The following ALG5 variants were observed in gnomAD, a reference collection of about 807,000 sequenced individuals.
ALG5 encodes ALG5 dolichyl-phosphate beta-glucosyltransferase, also known as dolichyl-phosphate beta-glucosyltransferase.
In ALG5, 26 loss-of-function variants were observed where a neutral mutation model predicts 51.8. That is an observed-to-expected ratio of 0.50 (90% confidence interval 0.37 to 0.70). ALG5 has a LOEUF of 0.70. ALG5 is among the 30% of genes least tolerant of loss of function. ALG5 has a pLI of 0.00. For synonymous variants in ALG5, 141 were observed against 136.1 expected (o/e 1.04, Z -0.25); for missense variants, 311 against 399.3 (o/e 0.78, Z 1.88).
chr13:36,959,005 A>G (rs1489259605), intron 8 of ALG5, among the ~76,000 whole-genome samples: 1 of 152,182 alleles, frequency 6.6e-6, no homozygotes, highest in Non-Finnish European at 1.5e-5. Flanking sequence ...AAAAAAAAAA[A>G]GAAATATTAT....
At chr13:36,992,067 A>G (rs1362708712) in intron 4 of ALG5, among the ~76,000 whole-genome samples, 1 of 152,230 alleles carries the variant, frequency 6.6e-6, no homozygotes, top group Admixed American at 6.5e-5. Context: ...TCCTGTTTAA[A>G]TGCTAAGCCA....
At chr13:36,992,897 G>A (rs190545639) in intron 4 of ALG5, among the ~76,000 whole-genome samples, 2 of 152,156 alleles carry the variant, frequency 1.3e-5, no homozygotes, top group African/African-American at 4.8e-5. Flanking sequence ...GGAGCAGTGG[G>A]GCCAATTGCT....
intron 8 of ALG5, 118 bp from the exon 9 acceptor site, chr13:36,952,717 CT>C: frequency 1.8e-6 from 1 of 549,250 alleles, no homozygotes; most frequent in South Asian, 3.2e-5. Context: ...TACCATAAAT[CT>C]GAAGATCAGA....
At chr13:36,964,282 A>G (rs193211027) in intron 8 of ALG5, among the ~76,000 whole-genome samples, 67 of 152,312 alleles carry the variant, frequency 4.4e-4, no homozygotes, top group Non-Finnish European at 8.5e-4. Context: ...AAGCCCATGA[A>G]GGAATATAAG....
intron 1 of ALG5, among the ~76,000 whole-genome samples, chr13:36,997,814 G>A (rs190888813): frequency 9.1e-4 from 138 of 152,252 alleles, no homozygotes; most frequent in Middle Eastern, 6.8e-3. Flanking sequence ...TGTGAGTAAT[G>A]GAGAGTGGAT....
At chr13:36,972,611 T>G (rs1413128722) in intron 6 of ALG5, among the ~76,000 whole-genome samples, 1 of 152,144 alleles carries the variant, frequency 6.6e-6, no homozygotes, top group Non-Finnish European at 1.5e-5. Flanking sequence ...AAAGGAAACA[T>G]GTAAATGCTA....
chr13:36,968,515 C>T (rs1593666332), intron 7 of ALG5, among the ~76,000 whole-genome samples: 4 of 152,050 alleles, frequency 2.6e-5, no homozygotes, highest in Admixed American at 6.5e-5. Context: ...TAAACATTAC[C>T]GTTATACAGA....
intron 8 of ALG5, among the ~76,000 whole-genome samples, chr13:36,963,136 A>G (rs182577189): frequency 2.0e-4 from 31 of 152,128 alleles, no homozygotes; most frequent in Admixed American, 5.9e-4. Flanking sequence ...TTTTTTCTGG[A>G]GACAGGGTCT....
At chr13:36,998,992 C>T in intron 1 of ALG5, 1 of 386,094 alleles carries the variant, frequency 2.6e-6, no homozygotes, top group Non-Finnish European at 4.6e-6. Flanking sequence ...GGGTGCGCTC[C>T]AGTGTGAAAA....
intron 4 of ALG5, among the ~76,000 whole-genome samples, chr13:36,993,233 G>A (rs1056505820): frequency 3.9e-5 from 6 of 152,216 alleles, no homozygotes; most frequent in Non-Finnish European, 7.3e-5. Context: ...CTGCTTCCCA[G>A]GGGCTGGTAC....
chr13:36,996,228 C>T (rs2059049602), intron 1 of ALG5, among the ~76,000 whole-genome samples: 1 of 152,210 alleles, frequency 6.6e-6, no homozygotes, highest in Admixed American at 6.5e-5. Flanking sequence ...TCCATATGCA[C>T]TTGGGAGCTA....
At chr13:36,971,195 A>C (rs1239638424) in intron 7 of ALG5, among the ~76,000 whole-genome samples, 1 of 152,156 alleles carries the variant, frequency 6.6e-6, no homozygotes, top group Non-Finnish European at 1.5e-5. Context: ...ACACCCTAAA[A>C]GGGCAGTTGC....
intron 7 of ALG5, among the ~76,000 whole-genome samples, 195 bp from the exon 8 acceptor site, chr13:36,965,921 G>C (rs2058891083): frequency 6.6e-6 from 1 of 152,156 alleles, no homozygotes; most frequent in Non-Finnish European, 1.5e-5. Context: ...TTGGAGCAGA[G>C]TAGAGGCACT....
intron 5 of ALG5, among the ~76,000 whole-genome samples, chr13:36,989,025 T>G (rs1412427838): frequency 6.6e-6 from 1 of 152,238 alleles, no homozygotes; most frequent in Non-Finnish European, 1.5e-5. Context: ...TGCATGTCTC[T>G]CATAATTATA....
At chr13:36,964,919 CA>C (rs34435719) in intron 8 of ALG5, among the ~76,000 whole-genome samples, 67 of 136,804 alleles carry the variant, frequency 4.9e-4, no homozygotes, top group Admixed American at 1.0e-3. Context: ...GAGCGAAACT[CA>C]AAAAAAAAAA....
At chr13:36,990,492 T>A (rs1287653044) in intron 4 of ALG5, among the ~76,000 whole-genome samples, 1 of 152,242 alleles carries the variant, frequency 6.6e-6, no homozygotes, top group African/African-American at 2.4e-5. Context: ...GGACTGACTC[T>A]ACACTGTACA....
intron 8 of ALG5, among the ~76,000 whole-genome samples, chr13:36,965,077 C>T (rs1311281373): frequency 6.6e-6 from 1 of 151,900 alleles, no homozygotes; most frequent in African/African-American, 2.4e-5. Flanking sequence ...TGGAAGGGCA[C>T]AGCAGGGTCA....
intron 1 of ALG5, among the ~76,000 whole-genome samples, chr13:36,996,079 C>G (rs1024167232): frequency 6.6e-6 from 1 of 152,182 alleles, no homozygotes; most frequent in African/African-American, 2.4e-5. Flanking sequence ...CAGGACCAGA[C>G]AGACCCAAGA....
chr13:36,956,956 A>C (rs2058842626), intron 8 of ALG5, among the ~76,000 whole-genome samples: 1 of 152,144 alleles, frequency 6.6e-6, no homozygotes, highest in Non-Finnish European at 1.5e-5. Flanking sequence ...AGTACTAAGC[A>C]GAAGAAATAG....
Sources: gnomAD v4.1 joint callset for allele counts (sites outside exome capture counted in the v4.1 genomes callset) on GRCh38, gnomAD v4.1.1 for gene constraint, MANE v1.5 for transcripts, NCBI Gene and HGNC (gene_info 2026-07-23, HGNC 2026-07-21) for gene names.